TIAM1: variants seen among roughly 807,000 people sequenced by gnomAD.
TIAM1 encodes the protein TIAM Rac1 associated GEF 1.
Under a neutral mutation model 163.5 loss-of-function variants are expected in TIAM1, and 65 were observed. That is an observed-to-expected ratio of 0.40 (90% confidence interval 0.33 to 0.49). The LOEUF (loss-of-function observed/expected upper bound fraction) is 0.49, where lower values mean the gene tolerates loss of function less well. Among genes scored for constraint, TIAM1 ranks in the 20% least tolerant of loss-of-function variants. The pLI is 0.77. For missense variants in TIAM1, 1,789 were observed against 2,044.7 expected, an observed-to-expected ratio of 0.87 and a Z score of 2.41; for synonymous variants, 833 against 810.1, an observed-to-expected ratio of 1.03 and a Z score of -0.48.
intron 1 of TIAM1, among the ~76,000 whole-genome samples, chr21:31,534,726 T>C (rs1357024675): frequency 6.6e-6 from 1 of 152,054 alleles, no homozygotes; most frequent in African/African-American, 2.4e-5. Flanking sequence ...ACCTGCCTGG[T>C]CAAAACCACT....
chr21:31,477,925 C>T (rs985377917), intron 1 of TIAM1, among the ~76,000 whole-genome samples: 6 of 152,198 alleles, frequency 3.9e-5, no homozygotes, highest in African/African-American at 1.2e-4. Flanking sequence ...GCTAAAGAAA[C>T]AGAATGGCCC....
At chr21:31,319,583 T>G (rs1601946171) in intron 2 of TIAM1, among the ~76,000 whole-genome samples, 1 of 151,786 alleles carries the variant, frequency 6.6e-6, no homozygotes, top group Non-Finnish European at 1.5e-5. Flanking sequence ...TCGAGACCAT[T>G]CTGGCTAACA....
At chr21:31,210,561 A>G (rs150680596) in intron 10 of TIAM1, among the ~76,000 whole-genome samples, 113 of 117,592 alleles carry the variant, frequency 9.6e-4, no homozygotes, top group African/African-American at 4.4e-3. Flanking sequence ...AAAGAAAGAA[A>G]GAAAGAAAGA....
At chr21:31,532,704 G>T (rs1405144145) in intron 1 of TIAM1, among the ~76,000 whole-genome samples, 1 of 152,138 alleles carries the variant, frequency 6.6e-6, no homozygotes, top group Non-Finnish European at 1.5e-5. Flanking sequence ...GTGGGGTGAA[G>T]GGGCCCATTA....
intron 2 of TIAM1, among the ~76,000 whole-genome samples, chr21:31,457,178 G>C (rs535183033): frequency 6.6e-6 from 1 of 152,060 alleles, no homozygotes; most frequent in Admixed American, 6.6e-5. Context: ...TTCAGGCTCC[G>C]GCAGGGAGCT....
chr21:31,222,693 ATATATATATATATATTTTTTTTTTTTTTT>A (rs1268396661), intron 8 of TIAM1, among the ~76,000 whole-genome samples: 693 of 39,918 alleles, frequency 0.017, 11 homozygotes, highest in African/African-American at 0.055. Context: ...ATATATATAT[ATATATATATATATATTTTTTTTTTTTTTT>A]TTTTTTTTTT....
chr21:31,409,541 T>C (rs1398639390), intron 2 of TIAM1, among the ~76,000 whole-genome samples: 1 of 152,150 alleles, frequency 6.6e-6, no homozygotes, highest in East Asian at 1.9e-4. Context: ...GCACACCGAC[T>C]TCCTGCTCCT....
chr21:31,336,416 G>A (rs1056492406), intron 2 of TIAM1, among the ~76,000 whole-genome samples: 1 of 151,378 alleles, frequency 6.6e-6, no homozygotes, highest in Non-Finnish European at 1.5e-5. Context: ...CTCAACTTGA[G>A]CAGCTGCAGT....
chr21:31,430,221 AAAAAATAT>A (rs1294073412), intron 2 of TIAM1, among the ~76,000 whole-genome samples: 2,133 of 104,670 alleles, frequency 0.02, 59 homozygotes, highest in African/African-American at 0.085. Flanking sequence ...AAAAAAAAAA[AAAAAATAT>A]ATATATATAT....
rs566116157 is a variant in TIAM1 at position 31,485,570 on chromosome 21, A to G, written c.-421-21535T>C. Among the ~76,000 whole-genome samples the G allele has an allele frequency of 4.6e-5, 7 of 152,250 alleles. No individual in the cohort carries two copies. In the South Asian group the frequency reaches 1.5e-3, roughly 32 times the overall value. On this transcript the variant is annotated intron_variant, in intron 1 of 28. Coordinates refer to the TIAM1 transcript ENST00000286827. ...CAGACCTGGAATCTCTAATGACCAT[A>G]TTCTCTCTGTTGGACTCCAGCAGCC... is the stretch of plus-strand genomic sequence containing the variant.
chr21:31,438,978 G>C (rs770874752), intron 2 of TIAM1, among the ~76,000 whole-genome samples: 5 of 152,112 alleles, frequency 3.3e-5, no homozygotes, highest in Non-Finnish European at 5.9e-5. Flanking sequence ...GATAATAAAC[G>C]CAAGAAAGAG....
chr21:31,544,126 C>T (rs998459978), intron 1 of TIAM1, among the ~76,000 whole-genome samples: 2 of 152,046 alleles, frequency 1.3e-5, no homozygotes, highest in Admixed American at 6.6e-5. Context: ...AGGAGAATCG[C>T]TTGAACCTGG....
chr21:31,556,283 C>G (rs1207036823), intron 1 of TIAM1, among the ~76,000 whole-genome samples: 3 of 152,210 alleles, frequency 2.0e-5, no homozygotes, highest in Admixed American at 2.0e-4. Flanking sequence ...TGGCCGCGTT[C>G]CACATCAACA....
At chr21:31,541,765 T>C (rs2048329839) in intron 1 of TIAM1, among the ~76,000 whole-genome samples, 1 of 152,200 alleles carries the variant, frequency 6.6e-6, no homozygotes, top group Non-Finnish European at 1.5e-5. Context: ...AACCAATGTG[T>C]TCCTATCCTA....
intron 2 of TIAM1, among the ~76,000 whole-genome samples, chr21:31,309,806 CCAGA>C (rs751264854): frequency 4.6e-4 from 70 of 152,286 alleles, no homozygotes; most frequent in Non-Finnish European, 7.4e-4. Context: ...TCATGCGTGA[CCAGA>C]CATTCATTCT....
chr21:31,178,056 C>G (rs922572976), intron 15 of TIAM1, among the ~76,000 whole-genome samples: 1 of 152,186 alleles, frequency 6.6e-6, no homozygotes, highest in Non-Finnish European at 1.5e-5. Flanking sequence ...AAAATTTTCT[C>G]GGTTGTTTTC....
chr21:31,332,850 C>T (rs1017891248), intron 2 of TIAM1, among the ~76,000 whole-genome samples: 3 of 151,378 alleles, frequency 2.0e-5, no homozygotes, highest in East Asian at 1.9e-4. Context: ...GCTCATCAGA[C>T]ATCTGCCCAA....
intron 15 of TIAM1, among the ~76,000 whole-genome samples, chr21:31,168,029 G>C (rs2084320142): frequency 6.6e-6 from 1 of 151,558 alleles, no homozygotes; most frequent in South Asian, 2.1e-4. Context: ...AAGAAATTCT[G>C]CCTATACTTT....
At chr21:31,175,235 G>C (rs182491235) in intron 15 of TIAM1, among the ~76,000 whole-genome samples, 144 of 152,154 alleles carry the variant, frequency 9.5e-4, no homozygotes, top group African/African-American at 3.4e-3. Context: ...GAGCCACAAC[G>C]AACGCTTGGC....
Sources: allele counts gnomAD v4.1 joint callset (sites outside exome capture counted in the v4.1 genomes callset), GRCh38; gene constraint gnomAD v4.1.1; transcripts MANE v1.5; gene names NCBI Gene and HGNC (gene_info 2026-07-23, HGNC 2026-07-21).